The following CENPP variants were observed in gnomAD, a reference collection of about 807,000 sequenced individuals.
CENPP encodes centromere protein P.
Under a neutral mutation model 35.6 loss-of-function variants are expected in CENPP, and 24 were observed. That is an observed-to-expected ratio of 0.67 (90% CI 0.49 to 0.95). The LOEUF is 0.95. CENPP is among the 40% of genes least tolerant of loss of function. CENPP has a pLI of 0.00. For synonymous variants in CENPP, 120 were observed against 125.5 expected (o/e 0.96, Z 0.29); for missense variants, 332 against 345.3 (o/e 0.96, Z 0.31).
At chr9:92,386,909 G>T (rs1261039892) in intron 5 of CENPP, among the ~76,000 whole-genome samples, 1 of 151,800 alleles carries the variant, frequency 6.6e-6, no homozygotes, top group African/African-American at 2.4e-5. Context: ...TTAGACAGGC[G>T]TGGTGGTGGG....
chr9:92,337,807 A>G (rs879124765), intron 3 of CENPP, among the ~76,000 whole-genome samples, 178 bp downstream of exon 3: 1 of 152,224 alleles, frequency 6.6e-6, no homozygotes, highest in Non-Finnish European at 1.5e-5. Flanking sequence ...TTAATAGCCC[A>G]GCAACTGCAT....
intron 4 of CENPP, among the ~76,000 whole-genome samples, chr9:92,376,511 T>C (rs527638136): frequency 1.4e-4 from 22 of 152,114 alleles, no homozygotes; most frequent in Admixed American, 1.4e-3. Flanking sequence ...CAGAGAGGGG[T>C]CCCAGAGAAA....
At chr9:92,488,264 G>T (rs1846106337) in intron 5 of CENPP, among the ~76,000 whole-genome samples, 1 of 152,056 alleles carries the variant, frequency 6.6e-6, no homozygotes, top group South Asian at 2.1e-4. Context: ...CAAATAAAGG[G>T]GGAATAAATG....
At chr9:92,365,631 G>A (rs117797493) in intron 4 of CENPP, among the ~76,000 whole-genome samples, 4,660 of 151,372 alleles carry the variant, frequency 0.031, 113 homozygotes, top group South Asian at 0.084. Flanking sequence ...GGTTGGTCTC[G>A]AATTCATGAC....
At chr9:92,447,626 T>A (rs1443256843) in intron 5 of CENPP, among the ~76,000 whole-genome samples, 1 of 152,170 alleles carries the variant, frequency 6.6e-6, no homozygotes, top group Non-Finnish European at 1.5e-5. Flanking sequence ...CATAGTGAAT[T>A]TGGGGTCCTG....
At chr9:92,442,805 C>T (rs888174926) in intron 5 of CENPP, among the ~76,000 whole-genome samples, 2 of 151,316 alleles carry the variant, frequency 1.3e-5, no homozygotes, top group African/African-American at 4.9e-5. Flanking sequence ...GCCGAGATCA[C>T]GCCACTGCAT....
chr9:92,339,304 A>G (rs751058025), intron 3 of CENPP, among the ~76,000 whole-genome samples: 2 of 152,208 alleles, frequency 1.3e-5, no homozygotes, highest in Non-Finnish European at 2.9e-5. Flanking sequence ...TTTGTATGAG[A>G]CAGGACTTGG....
chr9:92,403,090 A>G, intron 5 of CENPP: 2 of 564,026 alleles, frequency 3.5e-6, no homozygotes, highest in Non-Finnish European at 6.1e-6. Context: ...ATACAATCTT[A>G]GGGACAATTA....
chr9:92,401,301 C>T, intron 5 of CENPP: 1 of 563,408 alleles, frequency 1.8e-6, no homozygotes, highest in South Asian at 2.5e-5. Flanking sequence ...CCTTTGTGCT[C>T]CATTAGGCTT....
Position 92,354,110 on chromosome 9 carries a change from A to G in CENPP, c.467+8323A>G, listed in dbSNP as rs112434021. Among the ~76,000 whole-genome samples, 9 of 152,322 alleles carry G rather than the reference A, an allele frequency of 5.9e-5. 1 individual carries two copies. Among genetic ancestry groups the G allele is most frequent in the African/African-American group, 1.4e-4 (6 of 41,570 alleles). On this transcript the variant is annotated intron_variant, in intron 4 of 7. Transcript: ENST00000375587. ...GTGCCTTCATCAGAGGCAATGCTGT[A>G]TGGCATACTGTGATGGTGGATAAGG...
intron 4 of CENPP, among the ~76,000 whole-genome samples, chr9:92,354,349 G>A (rs1455762834): frequency 6.6e-6 from 1 of 152,158 alleles, no homozygotes; most frequent in Non-Finnish European, 1.5e-5. Context: ...CCTGCTGCTG[G>A]CAAATTGGCC....
chr9:92,331,670 A>G (rs1450117561), intron 1 of CENPP, among the ~76,000 whole-genome samples: 1 of 152,216 alleles, frequency 6.6e-6, no homozygotes, highest in Non-Finnish European at 1.5e-5. Flanking sequence ...TGTTGAAATT[A>G]AAGATTGTGG....
chr9:92,611,543 G>A (rs1338653112), intron 6 of CENPP, 150 bp downstream of exon 6: 2 of 649,448 alleles, frequency 3.1e-6, no homozygotes, highest in Non-Finnish European at 5.3e-6. Flanking sequence ...CAGCAGATAT[G>A]CCCAGTATGG....
At chr9:92,342,808 T>A (rs1356724141) in intron 3 of CENPP, among the ~76,000 whole-genome samples, 1 of 152,224 alleles carries the variant, frequency 6.6e-6, no homozygotes, top group African/African-American at 2.4e-5. Flanking sequence ...TGGTAAATTC[T>A]AGCATATTCT....
At chr9:92,527,754 G>C (rs1456019844) in intron 5 of CENPP, among the ~76,000 whole-genome samples, 3 of 151,482 alleles carry the variant, frequency 2.0e-5, no homozygotes, top group Non-Finnish European at 2.9e-5. Context: ...TTGTTTCTTA[G>C]TAGAAACCTA....
In CENPP at chr9:92,458,889, G is replaced by A. The variant is rs78616007; in HGVS notation, c.564+79030G>A. 4.8e-3 allele frequency among the ~76,000 whole-genome samples: 733 copies of A among 152,266 alleles called. 4 individuals carry two copies. The highest frequency in any genetic ancestry group is 0.015 in the African/African-American group (638 of 41,546). ...GGTTTGTATCTCAAAGGAGTACAGT[G>A]AACGAAACTTGTTTAAAGATACACC... On this transcript the variant is annotated intron_variant, in intron 5 of 7. Coordinates refer to ENST00000375587, the MANE Select transcript of CENPP (RefSeq NM_001012267.3).
chr9:92,616,905 T>A lies in CENPP; in HGVS notation c.*3756T>A, dbSNP rs549113782. On this transcript the variant is annotated 3_prime_UTR_variant, in exon 8 of 8. Transcript: ENST00000375587. ...TCTGGTGTCCCAATGTTTACTACGC[T>A]TTGAGATTTAGAAATCAACAAGCCA... is the stretch of plus-strand genomic sequence containing the variant. The A allele has an allele frequency of 6.6e-6, 1 of 152,304 alleles. No individual in the cohort carries two copies. The highest frequency in any genetic ancestry group is 1.5e-5 in the Non-Finnish European group (1 of 68,092). The allele number at this position is 152,304 out of a possible 1,614,324, so 9.4% of individuals were successfully genotyped here.
At chr9:92,443,005 A>G (rs1046465394) in intron 5 of CENPP, among the ~76,000 whole-genome samples, 7 of 152,206 alleles carry the variant, frequency 4.6e-5, no homozygotes, top group African/African-American at 1.7e-4. Context: ...ATTGAGAACA[A>G]GGCAAGAATA....
At chr9:92,517,970 C>A in intron 5 of CENPP, 3 of 1,404,116 alleles carry the variant, frequency 2.1e-6, no homozygotes, top group Non-Finnish European at 3.0e-6. Context: ...ACTGCTCTAA[C>A]CACACAAGAA....
Sources: gnomAD v4.1 joint callset for allele counts (sites outside exome capture counted in the v4.1 genomes callset) on GRCh38, gnomAD v4.1.1 for gene constraint, MANE v1.5 for transcripts, NCBI Gene and HGNC (gene_info 2026-07-23, HGNC 2026-07-21) for gene names.